The following VPS53 variants were observed in gnomAD, a reference collection of about 807,000 sequenced individuals.
VPS53 encodes the protein vacuolar protein sorting-associated protein 53 homolog.
A neutral mutation model predicts 107.0 loss-of-function variants in VPS53; 70 were observed. The ratio of observed to expected loss-of-function variants is 0.65; its 90% CI spans 0.54 to 0.80. The LOEUF is 0.80. Among genes scored for constraint, VPS53 ranks in the 30% least tolerant of loss-of-function variants. The pLI, the probability that VPS53 is intolerant of heterozygous loss-of-function variation, is 0.00. For synonymous variants in VPS53, 409 were observed against 393.3 expected, an observed-to-expected ratio of 1.04 and a Z score of -0.47; for missense variants, 917 against 1,049.4, an observed-to-expected ratio of 0.87 and a Z score of 1.74.
At chr17:551,459 T>A (rs1911811130) in intron 17 of VPS53, among the ~76,000 whole-genome samples, 1 of 152,018 alleles carries the variant, frequency 6.6e-6, no homozygotes, top group Non-Finnish European at 1.5e-5. Context: ...TCTCAGCTAC[T>A]TGGGAGGCTG....
chr17:668,889 T>C (rs1000269247), intron 4 of VPS53, among the ~76,000 whole-genome samples: 10 of 152,218 alleles, frequency 6.6e-5, no homozygotes, highest in Non-Finnish European at 8.8e-5. Flanking sequence ...GCTGAAGGTA[T>C]CGCTTTTTTC....
chr17:657,999 T>A (rs28589352), intron 5 of VPS53, among the ~76,000 whole-genome samples: 319 of 48,978 alleles, frequency 6.5e-3, no homozygotes, highest in Middle Eastern at 0.026. Context: ...TAAAGTGAGA[T>A]ACTCGGCCGT....
At chr17:541,553 A>G (rs1192910118) in intron 17 of VPS53, among the ~76,000 whole-genome samples, 1 of 152,182 alleles carries the variant, frequency 6.6e-6, no homozygotes, top group African/African-American at 2.4e-5. Context: ...CCTACCACGC[A>G]CTGAAGGAAT....
chr17:628,349 A>G, intron 8 of VPS53, 118 bp from the exon 9 acceptor site: 1 of 1,211,576 alleles, frequency 8.3e-7, no homozygotes, highest in South Asian at 1.5e-5. Flanking sequence ...GCTCCTTCAC[A>G]CTCATTCTTT....
intron 7 of VPS53, among the ~76,000 whole-genome samples, chr17:640,100 C>T (rs896839533): frequency 1.3e-5 from 2 of 152,208 alleles, no homozygotes; most frequent in Admixed American, 6.5e-5. Flanking sequence ...TCAGCAATGG[C>T]GGGCGCCCCT....
At chr17:584,184 C>T (rs1167494465) in intron 13 of VPS53, among the ~76,000 whole-genome samples, 2 of 152,346 alleles carry the variant, frequency 1.3e-5, no homozygotes, top group African/African-American at 2.4e-5. Context: ...CTTCCGAGTG[C>T]GTTCTTTAGA....
chr17:613,615 CAT>C (rs1297980930), intron 11 of VPS53, among the ~76,000 whole-genome samples: 10 of 145,442 alleles, frequency 6.9e-5, no homozygotes, highest in Non-Finnish European at 1.2e-4. Flanking sequence ...CAAATATTCA[CAT>C]AGTGAGTTCA....
intron 5 of VPS53, chr17:656,654 C>T: frequency 1.8e-6 from 1 of 544,662 alleles, no homozygotes; most frequent in East Asian, 3.1e-5. Context: ...TACTAACACC[C>T]AGGTGAAATC....
chr17:661,678 G>A, intron 5 of VPS53, 131 bp downstream of exon 5: 1 of 805,120 alleles, frequency 1.2e-6, no homozygotes, highest in Non-Finnish European at 2.0e-6. Context: ...TAGGGGGCTT[G>A]CTTTAGAGAT....
chr17:714,279 C>G (rs571043722), intron 1 of VPS53: 22 of 269,556 alleles, frequency 8.2e-5, no homozygotes, highest in Non-Finnish European at 1.3e-4. Context: ...GGCGTTGGCA[C>G]GAGTCTGGTA....
chr17:680,703 T>C (rs1261126385), intron 4 of VPS53, among the ~76,000 whole-genome samples: 27 of 152,184 alleles, frequency 1.8e-4, no homozygotes, highest in Non-Finnish European at 1.5e-5. Flanking sequence ...GAGAGAAGTG[T>C]CTTTTGCTTT....
rs1406492433 is a variant in VPS53, at chr17:520,218, T to C, written c.2224-288A>G. 6.6e-6 allele frequency among the ~76,000 whole-genome samples: 1 copy of C among 152,126 alleles called. No individual in the cohort carries two copies. The highest frequency in any genetic ancestry group is 1.5e-5 in the Non-Finnish European group (1 of 68,024). On this transcript the variant is annotated intron_variant, in intron 20 of 21. Transcript: ENST00000437048. The surrounding 1 kb of genome is among the most constrained non-coding windows in gnomAD (Gnocchi z 4.4). ...AATCCTAAATACACCTGCGCTGCTG[T>C]TTGAAGTATGGGTTTCCGGGGCCCT...
chr17:624,044 G>A (rs1244646919), intron 10 of VPS53, among the ~76,000 whole-genome samples: 1 of 150,926 alleles, frequency 6.6e-6, no homozygotes, highest in African/African-American at 2.4e-5. Context: ...TTTTAGTAGA[G>A]ATAGTGTTTC....
At chr17:701,192 G>A (rs1401866509) in intron 2 of VPS53, among the ~76,000 whole-genome samples, 1 of 151,932 alleles carries the variant, frequency 6.6e-6, no homozygotes, top group Non-Finnish European at 1.5e-5. Context: ...CAGGCATGGT[G>A]GCATGTGCTT....
Position 571,939 on chromosome 17 carries a change from G to C in VPS53, c.1314-9194C>G, listed in dbSNP as rs1337742693. Among the ~76,000 whole-genome samples, 16 of 152,322 alleles carry C rather than the reference G, an allele frequency of 1.1e-4. 1 individual carries two copies. The South Asian group carries it at 3.3e-3, about 32-fold the overall frequency. On this transcript the variant is annotated intron_variant, in intron 13 of 21. Transcript: ENST00000437048. ...CTGCCTTGGCCTCCCAAAGTGCCCAGAGTGCAGCCTCTGCCCGGCCGCCAC... is the reference window on the plus strand; with the variant it reads ...CTGCCTTGGCCTCCCAAAGTGCCCACAGTGCAGCCTCTGCCCGGCCGCCAC...
rs753090221 is a variant in VPS53 at position 601,777 on chromosome 17, G to A, written c.1218+18C>T. On this transcript the variant is annotated intron_variant, in intron 12 of 21. Transcript: ENST00000437048. ...GCACATTGGGTAGGTTACCCGTGGTGACGCAAACCAGACTTACTTGATCTA... is the reference window on the plus strand; with the variant it reads ...GCACATTGGGTAGGTTACCCGTGGTAACGCAAACCAGACTTACTTGATCTA... 1 of 1,570,184 alleles carries A rather than the reference G, an allele frequency of 6.4e-7. No homozygotes were observed. Among genetic ancestry groups the A allele is most frequent in the Non-Finnish European group, 8.7e-7 (1 of 1,155,194 alleles).
chr17:617,739 C>A (rs1208309183), intron 11 of VPS53, among the ~76,000 whole-genome samples: 5 of 150,438 alleles, frequency 3.3e-5, no homozygotes, highest in South Asian at 4.2e-4. Flanking sequence ...GTAGCTGGGA[C>A]TACAGGCATG....
intron 7 of VPS53, among the ~76,000 whole-genome samples, chr17:645,842 C>T (rs904328058): frequency 2.2e-5 from 3 of 137,626 alleles, no homozygotes; most frequent in African/African-American, 7.6e-5. Flanking sequence ...ATATCACGGA[C>T]TGGAGACTGG....
At chr17:643,181 AGCGAGGACAACAC>A (rs1269698316) in intron 7 of VPS53, among the ~76,000 whole-genome samples, 2 of 77,760 alleles carry the variant, frequency 2.6e-5, no homozygotes, top group African/African-American at 9.0e-5. Flanking sequence ...ATACTTGGAA[AGCGAGGACAACAC>A]TCATACTTGG....
Sources: allele counts gnomAD v4.1 joint callset (sites outside exome capture counted in the v4.1 genomes callset), GRCh38; gene constraint gnomAD v4.1.1; non-coding constraint Gnocchi (gnomAD v3.1); transcripts MANE v1.5; gene names NCBI Gene and HGNC (gene_info 2026-07-23, HGNC 2026-07-21).